ANKRD36C: variants seen among roughly 807,000 people sequenced by gnomAD.
ANKRD36C encodes ankyrin repeat domain-containing protein 36C.
In ANKRD36C, 61 loss-of-function variants were observed where a neutral mutation model predicts 276.4. The ratio of observed to expected loss-of-function variants is 0.22; its 90% confidence interval spans 0.18 to 0.27. The LOEUF (loss-of-function observed/expected upper bound fraction) is 0.27, where lower values mean the gene tolerates loss of function less well. ANKRD36C is among the 10% of genes least tolerant of loss of function. The pLI is 1.00. For synonymous variants in ANKRD36C, 483 were observed against 680.1 expected, an observed-to-expected ratio of 0.71 and a Z score of 4.51; for missense variants, 1,447 against 2,032.3, an observed-to-expected ratio of 0.71 and a Z score of 5.54.
In ANKRD36C at chr2:95,884,331, T is replaced by C. The variant is rs772131387; in HGVS notation, c.3192+9A>G. On this transcript the variant is annotated intron_variant, in intron 53 of 66. Coordinates refer to ENST00000456556, the Ensembl canonical transcript of ANKRD36C. The stretch of plus-strand genomic sequence containing the variant: ...TACTAGTTCACAATATAAATAAGAG[T>C]TTAATTACCTTCAAGGCTGGTTGTC... The C allele has an allele frequency of 3.0e-5, 48 of 1,610,532 alleles. 1 individual carries two copies. The South Asian group carries it at 4.8e-4, about 16-fold the overall frequency.
rs550769925 is a variant in ANKRD36C, at chr2:95,903,281, T to G, written c.2654-3945A>C. ...AATACAGGCTCCACGAAATATAGTC[T>G]TAGAATTTCAAACATGGTATGATTT... On this transcript the variant is annotated intron_variant, in intron 42 of 66. Transcript: ENST00000456556. 5.1e-3 allele frequency among the ~76,000 whole-genome samples: 775 copies of G among 150,624 alleles called. 26 individuals carry two copies. The highest frequency in any genetic ancestry group is 0.01 in the Admixed American group (157 of 15,066).
chr2:95,870,015 C>G (rs922933628), intron 59 of ANKRD36C, among the ~76,000 whole-genome samples: 1 of 152,224 alleles, frequency 6.6e-6, no homozygotes, highest in Non-Finnish European at 1.5e-5. Context: ...CTGGGAAGCT[C>G]GAACTGGGTG....
chr2:95,962,409 C>T (rs765663545), exon 8 of ANKRD36C: 3 of 1,570,984 alleles, frequency 1.9e-6, no homozygotes, highest in African/African-American at 1.4e-5. Flanking sequence ...ATAGAATCTT[C>T]CTTGCCACTT....
intron 46 of ANKRD36C, among the ~76,000 whole-genome samples, chr2:95,890,851 A>G (rs1238091600): frequency 6.6e-6 from 1 of 151,510 alleles, no homozygotes; most frequent in Non-Finnish European, 1.5e-5. Flanking sequence ...ACTTTTTGGG[A>G]GGACCATGTT....
intron 6 of ANKRD36C, among the ~76,000 whole-genome samples, chr2:95,970,162 C>A (rs1255017340): frequency 1.3e-5 from 2 of 152,128 alleles, no homozygotes; most frequent in African/African-American, 4.8e-5. Context: ...GGATACAGAG[C>A]AGGGTCAAGG....
At chr2:95,959,282 C>T (rs1275912274) in intron 10 of ANKRD36C, among the ~76,000 whole-genome samples, 1 of 151,826 alleles carries the variant, frequency 6.6e-6, no homozygotes, top group Non-Finnish European at 1.5e-5. Context: ...TGTACACTTC[C>T]CAAGTGCTCT....
At chr2:95,920,942 G>A (rs4608570) in intron 34 of ANKRD36C, among the ~76,000 whole-genome samples, 9,928 of 149,226 alleles carry the variant, frequency 0.067, 1,349 homozygotes, top group African/African-American at 0.22. Flanking sequence ...TAACAAAAAG[G>A]AGTAATGAGT....
At chr2:95,975,332 C>T (rs540973779) in intron 6 of ANKRD36C, among the ~76,000 whole-genome samples, 3 of 152,078 alleles carry the variant, frequency 2.0e-5, no homozygotes, top group African/African-American at 4.8e-5. Context: ...CAATCCTAAG[C>T]CAAAAGAATA....
intron 1 of ANKRD36C, among the ~76,000 whole-genome samples, chr2:95,990,909 C>T (rs911793661): frequency 1.4e-4 from 22 of 152,136 alleles, no homozygotes; most frequent in Non-Finnish European, 2.6e-4. Flanking sequence ...AAACGCTGTA[C>T]ATGCTGAATT....
chr2:95,910,419 A>C (rs1308556426), intron 42 of ANKRD36C: 20 of 1,558,378 alleles, frequency 1.3e-5, no homozygotes, highest in Non-Finnish European at 1.6e-5. Flanking sequence ...CTATACTCAA[A>C]ACAGAATCTT....
chr2:95,970,392 A>T (rs1190562965), intron 6 of ANKRD36C, among the ~76,000 whole-genome samples: 1 of 152,216 alleles, frequency 6.6e-6, no homozygotes, highest in Non-Finnish European at 1.5e-5. Context: ...TTAAAAGCTT[A>T]TCCAATCTGA....
At chr2:95,852,130 G>C in exon 65 of ANKRD36C, 1 of 1,607,828 alleles carries the variant, frequency 6.2e-7, no homozygotes, top group South Asian at 1.1e-5. Flanking sequence ...TTTTACTTTT[G>C]TGCGTCGCCT....
At chr2:95,925,022 C>T (rs1446761656) in intron 30 of ANKRD36C, among the ~76,000 whole-genome samples, 2 of 151,604 alleles carry the variant, frequency 1.3e-5, no homozygotes, top group Non-Finnish European at 3.0e-5. Flanking sequence ...ATTTCTGTTA[C>T]TTCTTCTCTT....
chr2:95,920,837 G>T (rs988126437), intron 34 of ANKRD36C, among the ~76,000 whole-genome samples: 1 of 150,176 alleles, frequency 6.7e-6, no homozygotes, highest in African/African-American at 2.5e-5. Flanking sequence ...TTTTATCCAA[G>T]AGATAGCTCC....
chr2:95,907,617 G>A (rs1404008207), intron 42 of ANKRD36C: 1 of 140,626 alleles, frequency 7.1e-6, no homozygotes, highest in Admixed American at 7.1e-5. Context: ...AATATTCATT[G>A]AAAATGACCA....
intron 63 of ANKRD36C, 72 bp from the exon 84 acceptor site, chr2:95,853,933 C>T: frequency 6.6e-7 from 1 of 1,519,168 alleles, no homozygotes; most frequent in Non-Finnish European, 8.8e-7. Context: ...ATATTTAACT[C>T]TAAAGCATAC....
chr2:95,977,174 T>C (rs1266465188), intron 6 of ANKRD36C, among the ~76,000 whole-genome samples: 1 of 152,166 alleles, frequency 6.6e-6, no homozygotes, highest in Non-Finnish European at 1.5e-5. Flanking sequence ...TACTCCTTTC[T>C]TGTGTGCAGT....
intron 26 of ANKRD36C, 37 bp downstream of exon 26, chr2:95,929,035 G>C: frequency 6.3e-7 from 1 of 1,599,774 alleles, no homozygotes; most frequent in East Asian, 2.2e-5. Flanking sequence ...CTTCCATCTT[G>C]ATTGAACATG....
At chr2:95,889,842 C>T (rs760200078) in exon 48 of ANKRD36C, 12 of 1,601,956 alleles carry the variant, frequency 7.5e-6, no homozygotes, top group South Asian at 4.5e-5. Context: ...TGGCCATATT[C>T]GGAACAGAAT....
Sources: allele counts gnomAD v4.1 joint callset (sites outside exome capture counted in the v4.1 genomes callset), GRCh38; gene constraint gnomAD v4.1.1; transcripts MANE v1.5; gene names NCBI Gene and HGNC (gene_info 2026-07-23, HGNC 2026-07-21).